Variants in PCDH11Y observed in about 807,000 individuals in gnomAD.
The protein encoded by PCDH11Y is protocadherin 11 Y-linked.
For missense variants in PCDH11Y, 12 were observed against 224.8 expected (o/e 0.05, Z 6.05); for synonymous variants, 9 against 83.6 (o/e 0.11, Z 4.87).
At chrY:5,279,292 C>T (rs1602898598) in intron 2 of PCDH11Y, among the ~76,000 whole-genome samples, 4 of 25,565 alleles carry the variant, frequency 1.6e-4, no homozygotes, top group Admixed American at 7.8e-4. Context: ...CCAAGCTACT[C>T]GGGAGGCTGA....
At chrY:5,425,869 A>G in intron 2 of PCDH11Y, among the ~76,000 whole-genome samples, 1 of 32,849 alleles carries the variant, frequency 3.0e-5, no homozygotes, top group African/African-American at 1.2e-4. Context: ...ATATAATTAA[A>G]TGTTTGCATT....
intron 1 of PCDH11Y, among the ~76,000 whole-genome samples, chrY:5,074,181 C>T: frequency 9.3e-5 from 3 of 32,261 alleles, no homozygotes; most frequent in Admixed American, 5.8e-4. Context: ...GTGGCACTCT[C>T]TTGCCTAATT....
intron 2 of PCDH11Y, among the ~76,000 whole-genome samples, chrY:5,172,437 A>G: frequency 2.1e-4 from 7 of 32,994 alleles, no homozygotes; most frequent in Non-Finnish European, 2.3e-4. Flanking sequence ...CTTTAAACTA[A>G]TTTAGCAGGA....
intron 3 of PCDH11Y, among the ~76,000 whole-genome samples, chrY:5,511,057 T>C: frequency 3.1e-5 from 1 of 32,200 alleles, no homozygotes; most frequent in Non-Finnish European, 7.6e-5. Flanking sequence ...ACCAAAGGCA[T>C]TCTCAGTTGT....
intron 2 of PCDH11Y, among the ~76,000 whole-genome samples, chrY:5,191,296 A>C (rs2052912217): frequency 3.0e-5 from 1 of 32,810 alleles, no homozygotes; most frequent in Non-Finnish European, 7.5e-5. Flanking sequence ...CCAGAACTTA[A>C]AGTAAAATTT....
intron 2 of PCDH11Y, among the ~76,000 whole-genome samples, chrY:5,134,751 A>G (rs2052837268): frequency 3.3e-5 from 1 of 30,769 alleles, no homozygotes; most frequent in Non-Finnish European, 7.8e-5. Flanking sequence ...AGTGGGGGGG[A>G]AATGGCAGAT....
At chrY:5,152,784 G>T (rs2052865176) in intron 2 of PCDH11Y, among the ~76,000 whole-genome samples, 1 of 32,282 alleles carries the variant, frequency 3.1e-5, no homozygotes, top group Admixed American at 2.9e-4. Flanking sequence ...CAGTCTACCT[G>T]ATAGTCACAT....
chrY:5,153,505 A>G (rs2124643668), intron 2 of PCDH11Y, among the ~76,000 whole-genome samples: 18 of 32,929 alleles, frequency 5.5e-4, no homozygotes, highest in African/African-American at 2.1e-3. Context: ...AAGTAGTAAG[A>G]AACTACTTAA....
intron 1 of PCDH11Y, among the ~76,000 whole-genome samples, chrY:5,004,718 C>T: frequency 5.9e-5 from 2 of 33,919 alleles, no homozygotes; most frequent in African/African-American, 1.2e-4. Context: ...AATCTTGCTT[C>T]ACATAATTTA....
intron 2 of PCDH11Y, among the ~76,000 whole-genome samples, chrY:5,356,058 G>A (rs2053165596): frequency 3.0e-5 from 1 of 33,060 alleles, no homozygotes; most frequent in Non-Finnish European, 7.4e-5. Context: ...ACTGAGGGTC[G>A]GGCTGCTATT....
intron 4 of PCDH11Y, among the ~76,000 whole-genome samples, chrY:5,594,900 G>A (rs1602948151): frequency 3.0e-3 from 100 of 33,123 alleles, no homozygotes; most frequent in Non-Finnish European, 5.9e-3. Flanking sequence ...TGCTACAGAC[G>A]CTCCCACACC....
intron 3 of PCDH11Y, among the ~76,000 whole-genome samples, chrY:5,532,540 A>G (rs1602939120): frequency 3.8e-5 from 1 of 26,077 alleles, no homozygotes; most frequent in Non-Finnish European, 8.8e-5. Context: ...AGCTTCCCAA[A>G]TAGCTGGGAC....
intron 2 of PCDH11Y, among the ~76,000 whole-genome samples, chrY:5,372,250 T>C: frequency 3.1e-5 from 1 of 32,709 alleles, no homozygotes; most frequent in Non-Finnish European, 7.5e-5. Flanking sequence ...TTGTCTTATG[T>C]CTTCAGATTT....
intron 2 of PCDH11Y, among the ~76,000 whole-genome samples, chrY:5,243,447 A>G: frequency 3.5e-5 from 1 of 28,637 alleles, no homozygotes; most frequent in Admixed American, 2.8e-4. Flanking sequence ...GAGTCAGTAA[A>G]CTATGAATCC....
chrY:5,368,505 TAGA>T (rs2053183571), intron 2 of PCDH11Y, among the ~76,000 whole-genome samples: 2 of 34,044 alleles, frequency 5.9e-5, no homozygotes, highest in Non-Finnish European at 1.5e-4. Context: ...GCCTAGAATT[TAGA>T]AGAAGATGTA....
At chrY:5,149,572 AAACACAC>A (rs2052861728) in intron 2 of PCDH11Y, among the ~76,000 whole-genome samples, 1 of 12,268 alleles carries the variant, frequency 8.2e-5, no homozygotes. Context: ...ACACACACAC[AAACACAC>A]ACACACACAC....
intron 2 of PCDH11Y, among the ~76,000 whole-genome samples, chrY:5,310,594 T>C: frequency 3.0e-5 from 1 of 33,506 alleles, no homozygotes; most frequent in Non-Finnish European, 7.4e-5. Flanking sequence ...CATATTGGAT[T>C]AAATAAAACA....
chrY:5,188,562 C>A (rs2052908840), intron 2 of PCDH11Y, among the ~76,000 whole-genome samples: 1 of 32,411 alleles, frequency 3.1e-5, no homozygotes, highest in Non-Finnish European at 7.6e-5. Context: ...ATAAAACCAT[C>A]AGATCTTGTG....
intron 2 of PCDH11Y, among the ~76,000 whole-genome samples, chrY:5,339,327 C>CATTT (rs762729992): frequency 0.063 from 1,880 of 29,686 alleles, no homozygotes; most frequent in Non-Finnish European, 0.097. Context: ...CTGTCCTTTC[C>CATTT]ATTTATTTAT....
Sources: gnomAD v4.1 joint callset for allele counts (sites outside exome capture counted in the v4.1 genomes callset) on GRCh38, gnomAD v4.1.1 for gene constraint, MANE v1.5 for transcripts, NCBI Gene and HGNC (gene_info 2026-07-23, HGNC 2026-07-21) for gene names.